Variants in WDR62 observed in about 807,000 individuals in gnomAD.
WDR62 encodes the protein WD repeat domain 62.
In WDR62, 112 loss-of-function variants were observed where a neutral mutation model predicts 160.6. That is an observed-to-expected ratio of 0.70 (90% CI 0.60 to 0.82). The LOEUF (loss-of-function observed/expected upper bound fraction) is 0.82. WDR62 is among the 40% of genes least tolerant of loss of function. WDR62 has a pLI of 0.00. For missense variants in WDR62, 1,819 were observed against 1,983.8 expected (o/e 0.92, Z 1.58); for synonymous variants, 792 against 815.1 (o/e 0.97, Z 0.48).
rs369002906 is a variant in WDR62 at position 36,083,050 on chromosome 19, G to A, written c.1372-13G>A. The A allele has an allele frequency of 3.0e-5, 48 of 1,608,596 alleles. No individual in the cohort carries two copies. The African/African-American group carries it at 5.6e-4, about 19-fold the overall frequency. On this transcript the variant is annotated splice_polypyrimidine_tract_variant and intron_variant, in intron 10 of 31. Transcript: ENST00000401500. Reference sequence around the variant, plus strand: ...AGCTGCTCGTGCTGACCTCAGCCCTGTCCTTCCTGCAGACCCTGCTGAAGG... The same window carrying A: ...AGCTGCTCGTGCTGACCTCAGCCCTATCCTTCCTGCAGACCCTGCTGAAGG...
chr19:36,110,478 A>AG, the WDR62 span, among the ~76,000 whole-genome samples: 4 of 152,328 alleles, frequency 2.6e-5, no homozygotes, highest in East Asian at 3.9e-4. Flanking sequence ...TCTCAAAAAA[A>AG]GAAAAAAAAA....
downstream of WDR62, among the ~76,000 whole-genome samples, chr19:36,107,454 G>C (rs764823552): frequency 3.2e-4 from 48 of 152,068 alleles, no homozygotes; most frequent in Non-Finnish European, 3.4e-4. Context: ...GAAGAGGCCA[G>C]GTGCACAATG....
chr19:36,068,801 C>T (rs1486740392), intron 7 of WDR62, among the ~76,000 whole-genome samples: 1 of 152,232 alleles, frequency 6.6e-6, no homozygotes, highest in African/African-American at 2.4e-5. Flanking sequence ...ATCTTTTCCC[C>T]ACCTTTCCCC....
At chr19:36,093,187 C>T (rs1972740969) in intron 19 of WDR62, among the ~76,000 whole-genome samples, 1 of 152,066 alleles carries the variant, frequency 6.6e-6, no homozygotes, top group Admixed American at 6.6e-5. Flanking sequence ...AGCCTCTCAG[C>T]ACTGTGATGG....
intron 9 of WDR62, among the ~76,000 whole-genome samples, chr19:36,078,237 T>TCCC (rs921754231): frequency 1.6e-4 from 24 of 151,340 alleles, no homozygotes; most frequent in African/African-American, 5.3e-4. Flanking sequence ...AACCTCAGGC[T>TCCC]CCCAGGTTCA....
rs765517483 is a variant in WDR62 at position 36,103,143 on chromosome 19, G to T, written c.3463-13G>T. On this transcript the variant is annotated splice_polypyrimidine_tract_variant and intron_variant, in intron 28 of 31. Transcript: ENST00000401500. ...CCTGAGGCCTTGTCCTCACCTCAGA[G>T]CTGTGCCTGCAGGTCCTCGCTGCAG... 1.4e-5 allele frequency: 23 copies of T among 1,613,966 alleles called. No homozygotes were observed. In the South Asian group the frequency reaches 2.3e-4, roughly 16 times the overall value.
intron 28 of WDR62, 31 bp from the exon 29 acceptor site, chr19:36,103,125 C>A: frequency 1.9e-6 from 3 of 1,614,012 alleles, no homozygotes; most frequent in Non-Finnish European, 2.5e-6. Flanking sequence ...AACCCTGAGG[C>A]CTTGTCCTCA....
chr19:36,085,534 C>G (rs1972173667), intron 12 of WDR62, among the ~76,000 whole-genome samples: 1 of 150,758 alleles, frequency 6.6e-6, no homozygotes, highest in African/African-American at 2.4e-5. Context: ...GATTCCCCTG[C>G]GTTCAAGCGA....
rs780122341 is a variant in WDR62, at chr19:36,094,059, G to A, written c.2362G>A (p.Glu788Lys). 3.7e-6 allele frequency: 6 copies of A among 1,614,118 alleles called. No individual in the cohort carries two copies. The highest frequency in any genetic ancestry group is 5.1e-6 in the Non-Finnish European group (6 of 1,180,018). The change falls in exon 20 of 32, where the codon GAG becomes AAG. Residue 788 changes from glutamate to lysine, a missense_variant. Transcript: ENST00000401500. The stretch of plus-strand genomic sequence containing the variant: ...GGATACGTATGTGTCCACACCTAGT[G>A]AGATTCACTCCCTGAGCCCTGGAGA... ...RQDTYVSTPS[E>K]IHSLSPGEQT... is the part of the protein sequence containing the mutation.
chr19:36,088,937 C>A, intron 13 of WDR62, 101 bp from the exon 14 acceptor site: 2 of 1,362,296 alleles, frequency 1.5e-6, no homozygotes, highest in East Asian at 4.8e-5. Context: ...GCCTTGATCC[C>A]AGCACAGTTG....
At chr19:36,058,758 G>C in intron 1 of WDR62, 22 bp from the exon 2 acceptor site, 3 of 1,610,888 alleles carry the variant, frequency 1.9e-6, no homozygotes, top group Non-Finnish European at 2.5e-6. Context: ...GGGTGCCTCT[G>C]ACTTGGGCTT....
At chr19:36,100,328 A>C (rs1973249897) in intron 22 of WDR62, among the ~76,000 whole-genome samples, 1 of 152,182 alleles carries the variant, frequency 6.6e-6, no homozygotes, top group Non-Finnish European at 1.5e-5. Flanking sequence ...ACATGCACAG[A>C]TTTTAGGTAT....
chr19:36,066,710 G>A (rs1023066341), intron 5 of WDR62, among the ~76,000 whole-genome samples: 10 of 152,198 alleles, frequency 6.6e-5, no homozygotes, highest in African/African-American at 2.4e-4. Context: ...GGATATAGTA[G>A]TACTTATCTT....
At position 36,103,047 on chromosome 19, in the gene WDR62, T is replaced by C. The variant is rs1398750982; in HGVS notation, c.3435T>C (p.Thr1145=). 8 of 1,613,998 alleles carry C rather than the reference T, an allele frequency of 5.0e-6. No individual in the cohort carries two copies. The highest frequency in any genetic ancestry group is 6.8e-6 in the Non-Finnish European group (8 of 1,180,020). The part of the protein sequence containing the change: ...DRGGSQPRAG[T]GYASPDRTHV... The stretch of plus-strand genomic sequence containing the variant: ...GCGGAAGCCAGCCCAGAGCAGGTAC[T>C]GGCTACGCCTCCCCAGACAGGACCC... The change falls in exon 28 of 32, where the codon ACT becomes ACC. Residue 1145 remains threonine, a synonymous_variant. Coordinates refer to ENST00000401500, the MANE Select transcript of WDR62 (RefSeq NM_001083961.2).
the WDR62 span, among the ~76,000 whole-genome samples, chr19:36,110,971 C>T: frequency 1.3e-3 from 193 of 152,134 alleles, no homozygotes; most frequent in African/African-American, 4.4e-3. Context: ...GCTTGTCCAC[C>T]CCTGGAGGCT....
chr19:36,104,236 C>T (rs889664485), intron 30 of WDR62, among the ~76,000 whole-genome samples: 14 of 152,154 alleles, frequency 9.2e-5, no homozygotes, highest in African/African-American at 2.2e-4. Context: ...TTAAGGAACC[C>T]GTCATATGTA....
At chr19:36,104,328 GAAGAT>G (rs1599850787) in intron 30 of WDR62, among the ~76,000 whole-genome samples, 185 bp from the exon 31 acceptor site, 1 of 152,168 alleles carries the variant, frequency 6.6e-6, no homozygotes, top group African/African-American at 2.4e-5. Flanking sequence ...TTACAAACCA[GAAGAT>G]AAGAAGAGGC....
chr19:36,060,318 G>A (rs147496131), intron 3 of WDR62: 22 of 463,134 alleles, frequency 4.8e-5, no homozygotes, highest in Middle Eastern at 6.1e-4. Context: ...GGATGTCTTC[G>A]GGCAGGTTTG....
chr19:36,081,661 CTAGATGT>C, intron 10 of WDR62, 91 bp downstream of exon 10: 1 of 1,582,096 alleles, frequency 6.3e-7, no homozygotes, highest in Non-Finnish European at 8.7e-7. Flanking sequence ...CTGATGGACC[CTAGATGT>C]TAGGTTCCAT....
Sources: gnomAD v4.1 joint callset for allele counts (sites outside exome capture counted in the v4.1 genomes callset) on GRCh38, gnomAD v4.1.1 for gene constraint, MANE v1.5 for transcripts, NCBI Gene and HGNC (gene_info 2026-07-23, HGNC 2026-07-21) for gene names.